Variants in CPZ observed in about 807,000 individuals in gnomAD.
The protein encoded by CPZ is carboxypeptidase Z.
Under a neutral mutation model 61.8 loss-of-function variants are expected in CPZ, and 103 were observed. That is an observed-to-expected ratio of 1.67 (90% confidence interval 1.42 to 1.96). The LOEUF (loss-of-function observed/expected upper bound fraction) is 1.96. Among genes scored for constraint, CPZ ranks in the 30% most tolerant of loss-of-function variants. The pLI is 0.00. For synonymous variants in CPZ, 551 were observed against 373.7 expected, an observed-to-expected ratio of 1.47 and a Z score of -5.47; for missense variants, 1,461 against 914.9, an observed-to-expected ratio of 1.60 and a Z score of -7.70.
Position 8,616,680 on chromosome 4 carries a change from G to A in CPZ, c.1504-1749G>A, listed in dbSNP as rs143529501. On this transcript the variant is annotated intron_variant, in intron 9 of 10. Coordinates refer to ENST00000360986, the MANE Select transcript of CPZ (RefSeq NM_001014447.3). ...TCAGATGCTGTCTGGGGGTGAGGAG[G>A]AGCCACAGGGTGGGGTGGCTGAGGG... Among the ~76,000 whole-genome samples, 1,096 of 152,350 alleles carry A rather than the reference G, an allele frequency of 7.2e-3. 7 individuals carry two copies. Among genetic ancestry groups the A allele is most frequent in the Non-Finnish European group, 0.012 (809 of 68,036 alleles).
At chr4:8,599,793 C>T (rs911108708) in intron 2 of CPZ, 1 of 430,294 alleles carries the variant, frequency 2.3e-6, no homozygotes, top group African/African-American at 2.1e-5. Context: ...GCCTTGTCCA[C>T]ATGCATTTCA....
chr4:8,610,799 GTGGGGT>G (rs1227267107), intron 7 of CPZ, among the ~76,000 whole-genome samples: 4 of 152,178 alleles, frequency 2.6e-5, no homozygotes, highest in African/African-American at 7.2e-5. Flanking sequence ...CAGGGCCTGA[GTGGGGT>G]TGTGTTTGTG....
At chr4:8,610,604 G>T (rs1315172553) in intron 7 of CPZ, among the ~76,000 whole-genome samples, 1 of 152,252 alleles carries the variant, frequency 6.6e-6, no homozygotes, top group African/African-American at 2.4e-5. Context: ...GACACAGGTA[G>T]AATGTAGCAG....
At chr4:8,611,451 C>G (rs1404050007) in intron 7 of CPZ, among the ~76,000 whole-genome samples, 1 of 152,166 alleles carries the variant, frequency 6.6e-6, no homozygotes, top group Non-Finnish European at 1.5e-5. Context: ...GAGCTGTGTT[C>G]TGTCCCTCTG....
At chr4:8,595,414 G>A (rs537226143) in intron 1 of CPZ, among the ~76,000 whole-genome samples, 2 of 152,248 alleles carry the variant, frequency 1.3e-5, no homozygotes, top group Non-Finnish European at 2.9e-5. Flanking sequence ...AGCCACAGTC[G>A]TCCTGGCTTT....
Position 8,607,829 on chromosome 4 carries a change from C to A in CPZ, c.1227+404C>A, listed in dbSNP as rs772801591. Among the ~76,000 whole-genome samples the A allele has an allele frequency of 2.6e-5, 4 of 152,138 alleles. No individual in the cohort carries two copies. The East Asian group carries it at 7.7e-4, about 29-fold the overall frequency. The stretch of plus-strand genomic sequence containing the variant: ...GCAGTGCTGCAGCGCGCATGCTGCC[C>A]GCCCGTCCTGCTTCCCGGGGGTCGT... On this transcript the variant is annotated intron_variant, in intron 7 of 10. Coordinates refer to ENST00000360986, the MANE Select transcript of CPZ (RefSeq NM_001014447.3).
At position 8,611,887 on chromosome 4, in the gene CPZ, TC is replaced by T; in HGVS notation, c.1228-139del. On this transcript the variant is annotated intron_variant, in intron 7 of 10. Transcript: ENST00000360986. The stretch of plus-strand genomic sequence containing the variant: ...TGTCCTCTGCAGGACACCGTTCCCC[TC>T]TCCTACCTGCAGACACCATTCCCCT... The T allele has an allele frequency of 9.0e-6, 11 of 1,221,400 alleles. No individual in the cohort carries two copies. In the South Asian group the frequency reaches 1.6e-4, roughly 17 times the overall value. The allele number at this position is 1,221,400 out of a possible 1,614,324, so 75.7% of individuals were successfully genotyped here.
intron 7 of CPZ, among the ~76,000 whole-genome samples, chr4:8,610,707 A>C (rs1251706322): frequency 3.3e-5 from 5 of 152,088 alleles, no homozygotes; most frequent in Admixed American, 3.3e-4. Flanking sequence ...AGGGCAGGCC[A>C]CTCCTGAGCT....
At chr4:8,618,618 T>G in intron 10 of CPZ, 90 bp downstream of exon 10, 1 of 1,229,698 alleles carries the variant, frequency 8.1e-7, no homozygotes, top group African/African-American at 1.5e-5. Context: ...ACTCACAGTG[T>G]GCCCAGCCCT....
At chr4:8,607,116 A>G (rs1715101682) in intron 6 of CPZ, 151 bp from the exon 7 acceptor site, 9 of 1,079,878 alleles carry the variant, frequency 8.3e-6, no homozygotes, top group Non-Finnish European at 1.2e-5. Flanking sequence ...GCAGGGGCCC[A>G]GTGATGGGGG....
chr4:8,595,728 C>T (rs1293013243), intron 1 of CPZ, among the ~76,000 whole-genome samples: 1 of 152,230 alleles, frequency 6.6e-6, no homozygotes, highest in Non-Finnish European at 1.5e-5. Context: ...ATCCCTGGCA[C>T]CTGTGAATGG....
At position 8,612,090 on chromosome 4, in the gene CPZ, A is replaced by T. The variant is rs555509172; in HGVS notation, c.1291A>T (p.Asn431Tyr). The change falls in exon 8 of 11, where the codon AAT becomes TAT. Residue 431 changes from asparagine (N) to tyrosine (Y), a missense_variant. Asn to Tyr is a moderately radical substitution (Grantham distance 143). Transcript: ENST00000360986. ...VHPMMMDRSENRCGGNFLKRG... is the reference protein window; with the variant it reads ...VHPMMMDRSEYRCGGNFLKRG... ...CCCCATGATGATGGACAGGTCGGAGAATAGGTGTGGAGGCAATTTCCTGAA... is the reference window on the plus strand; with the variant it reads ...CCCCATGATGATGGACAGGTCGGAGTATAGGTGTGGAGGCAATTTCCTGAA... 2 of 1,612,954 alleles carry T rather than the reference A, an allele frequency of 1.2e-6. No individual in the cohort carries two copies. Among genetic ancestry groups the T allele is most frequent in the Admixed American group, 3.3e-5 (2 of 59,938 alleles).
At position 8,601,306 on chromosome 4, in the gene CPZ, GT is replaced by G. The variant is rs1393211205; in HGVS notation, c.306del (p.Cys102TrpfsTer96). Reference protein sequence around the residue: ...QCNPDLRLLGCAVLAPRCEGG... With the variant: ...QCNPDLRLLGXAVLAPRCEGG... ...AACCCGGACCTGCGGCTGCTGGGCT[GT>G]GCTGTGCTGGCCCCCCGGTGTGAGG... is the stretch of plus-strand genomic sequence containing the variant. On this transcript the variant is annotated frameshift_variant, in exon 3 of 11. Coordinates refer to ENST00000360986, the MANE Select transcript of CPZ (RefSeq NM_001014447.3). LOFTEE classifies it high-confidence loss of function. 3.1e-6 allele frequency: 5 copies of G among 1,612,372 alleles called. No individual in the cohort carries two copies. Among genetic ancestry groups the G allele is most frequent in the Non-Finnish European group, 4.2e-6 (5 of 1,179,180 alleles).
rs779860560 is a variant in CPZ at position 8,618,386 on chromosome 4, G to T, written c.1504-43G>T. On this transcript the variant is annotated intron_variant, in intron 9 of 10. Coordinates refer to ENST00000360986, the MANE Select transcript of CPZ (RefSeq NM_001014447.3). ...AGCTGACGGCCTCCACGCTCAGCAG[G>T]AGAGCTCACGCCATCTCCCTGGCCT... The T allele has an allele frequency of 4.4e-6, 7 of 1,593,458 alleles. No individual in the cohort carries two copies. In the South Asian group the frequency reaches 7.7e-5, roughly 18 times the overall value.
Position 8,598,995 on chromosome 4 carries a change from C to T in CPZ, c.89-458C>T, listed in dbSNP as rs574513701. Among the ~76,000 whole-genome samples the T allele has an allele frequency of 3.7e-4, 56 of 152,300 alleles. No homozygotes were observed. The South Asian group carries it at 0.011, about 30-fold the overall frequency. ...GGGCCTGGGTCTGGGTGCAGCAGTG[C>T]CTGCTGGTGAGGGCTCCGGGGGCTG... On this transcript the variant is annotated intron_variant, in intron 1 of 10. Coordinates refer to ENST00000360986, the MANE Select transcript of CPZ (RefSeq NM_001014447.3).
intron 8 of CPZ, 27 bp downstream of exon 8, chr4:8,612,189 G>C (rs775497996): frequency 0.03 from 14,349 of 486,284 alleles, 477 homozygotes; most frequent in East Asian, 0.14. Context: ...GCGGGACTGG[G>C]CGGGGGGTGG....
At chr4:8,603,747 C>G (rs931223014) in intron 3 of CPZ, 4 of 578,102 alleles carry the variant, frequency 6.9e-6, no homozygotes, top group East Asian at 2.9e-5. Context: ...TATGTTTACT[C>G]ACAGTCACGT....
intron 7 of CPZ, among the ~76,000 whole-genome samples, chr4:8,609,096 T>C (rs952264225): frequency 4.9e-4 from 28 of 56,566 alleles, no homozygotes; most frequent in Non-Finnish European, 8.5e-4. Context: ...ACCCATTCAC[T>C]CACTCACTCC....
At chr4:8,598,933 C>T (rs1714371609) in intron 1 of CPZ, among the ~76,000 whole-genome samples, 4 of 152,208 alleles carry the variant, frequency 2.6e-5, no homozygotes, top group South Asian at 4.1e-4. Flanking sequence ...TGGTGGTGTC[C>T]TTGGGGGCAC....
Sources: gnomAD v4.1 joint callset for allele counts (sites outside exome capture counted in the v4.1 genomes callset) on GRCh38, gnomAD v4.1.1 for gene constraint, MANE v1.5 for transcripts, NCBI Gene and HGNC (gene_info 2026-07-23, HGNC 2026-07-21) for gene names.